PTPRM: variants seen among roughly 807,000 people sequenced by gnomAD.
PTPRM encodes receptor-type tyrosine-protein phosphatase mu.
A neutral mutation model predicts 186.7 loss-of-function variants in PTPRM; 47 were observed. That is an observed-to-expected ratio of 0.25 (90% CI 0.20 to 0.32). The LOEUF is 0.32. Among genes scored for constraint, PTPRM ranks in the 10% least tolerant of loss-of-function variants. The pLI, the probability that PTPRM is intolerant of heterozygous loss-of-function variation, is 1.00. For missense variants in PTPRM, 1,494 were observed against 1,865.0 expected (o/e 0.80, Z 3.66); for synonymous variants, 668 against 674.9 (o/e 0.99, Z 0.16).
At chr18:8,026,073 T>C (rs2085553814) in intron 7 of PTPRM, among the ~76,000 whole-genome samples, 1 of 152,218 alleles carries the variant, frequency 6.6e-6, no homozygotes. Context: ...TCCCACCTAC[T>C]CAAAACTCCT....
intron 22 of PTPRM, 53 bp from the exon 23 acceptor site, chr18:8,343,370 T>G: frequency 6.5e-7 from 1 of 1,536,234 alleles, no homozygotes; most frequent in Non-Finnish European, 9.0e-7. Flanking sequence ...CCGGAAATTT[T>G]CCAGTTGAAA....
intron 19 of PTPRM, among the ~76,000 whole-genome samples, chr18:8,261,755 C>T (rs773436287): frequency 6.6e-6 from 1 of 152,314 alleles, no homozygotes; most frequent in Admixed American, 6.5e-5. Context: ...ACTCTCCATG[C>T]TCCCGCTGAT....
intron 1 of PTPRM, among the ~76,000 whole-genome samples, chr18:7,660,511 AC>A (rs1407731610): frequency 6.6e-6 from 1 of 152,070 alleles, no homozygotes; most frequent in Non-Finnish European, 1.5e-5. Flanking sequence ...TGTTCCTGCT[AC>A]CCCTATGGAT....
At chr18:7,898,770 A>T (rs564000167) in intron 3 of PTPRM, among the ~76,000 whole-genome samples, 1 of 152,328 alleles carries the variant, frequency 6.6e-6, no homozygotes, top group South Asian at 2.1e-4. Context: ...TTATCAGCAA[A>T]ACAGTGAAAT....
intron 2 of PTPRM, among the ~76,000 whole-genome samples, chr18:7,803,985 A>T (rs1404529764): frequency 6.6e-6 from 1 of 152,214 alleles, no homozygotes; most frequent in Non-Finnish European, 1.5e-5. Context: ...CAAGATATTG[A>T]TCAATATTTG....
At chr18:8,029,575 C>G (rs1374566841) in intron 7 of PTPRM, among the ~76,000 whole-genome samples, 1 of 152,174 alleles carries the variant, frequency 6.6e-6, no homozygotes, top group Non-Finnish European at 1.5e-5. Flanking sequence ...TCCCACATCC[C>G]CACTAAGAAT....
chr18:8,214,227 A>C (rs1468887090), intron 14 of PTPRM, among the ~76,000 whole-genome samples: 1 of 152,198 alleles, frequency 6.6e-6, no homozygotes, highest in Non-Finnish European at 1.5e-5. Flanking sequence ...ACCAAAAACC[A>C]CTTGTTCCCC....
At chr18:8,219,864 T>C (rs1426986156) in intron 14 of PTPRM, among the ~76,000 whole-genome samples, 1 of 152,166 alleles carries the variant, frequency 6.6e-6, no homozygotes, top group Non-Finnish European at 1.5e-5. Flanking sequence ...ACCCTTGCCT[T>C]AGGTATTGTT....
chr18:8,285,183 TG>T (rs539910840), intron 19 of PTPRM, among the ~76,000 whole-genome samples: 20 of 152,248 alleles, frequency 1.3e-4, no homozygotes, highest in Non-Finnish European at 2.8e-4. Flanking sequence ...TTTTTTCCAC[TG>T]ACATTCACAG....
intron 1 of PTPRM, among the ~76,000 whole-genome samples, chr18:7,667,758 T>TG (rs2039129592): frequency 6.6e-6 from 1 of 152,190 alleles, no homozygotes; most frequent in Non-Finnish European, 1.5e-5. Flanking sequence ...ACTTTTTTTT[T>TG]TCCGCCATGG....
chr18:7,769,428 C>G (rs1358210747), intron 1 of PTPRM, among the ~76,000 whole-genome samples: 2 of 152,066 alleles, frequency 1.3e-5, no homozygotes, highest in Non-Finnish European at 2.9e-5. Flanking sequence ...AAATGTTAGT[C>G]TCTATTATCA....
chr18:8,171,993 C>T (rs1184422092), intron 14 of PTPRM, among the ~76,000 whole-genome samples: 1 of 152,124 alleles, frequency 6.6e-6, no homozygotes, highest in East Asian at 1.9e-4. Context: ...TATGGATACT[C>T]GAAGTACAGT....
chr18:7,765,161 C>A (rs2041960555), intron 1 of PTPRM, among the ~76,000 whole-genome samples: 1 of 152,122 alleles, frequency 6.6e-6, no homozygotes, highest in South Asian at 2.1e-4. Context: ...TTGTTTGTCG[C>A]AACTCAGCCT....
intron 4 of PTPRM, among the ~76,000 whole-genome samples, chr18:7,926,154 A>T (rs991946786): frequency 6.6e-6 from 1 of 152,352 alleles, no homozygotes; most frequent in Non-Finnish European, 1.5e-5. Flanking sequence ...TTCCTTGACA[A>T]CATCATTTAA....
intron 14 of PTPRM, among the ~76,000 whole-genome samples, chr18:8,193,267 C>G (rs1175454550): frequency 1.3e-5 from 2 of 152,156 alleles, no homozygotes; most frequent in Admixed American, 6.5e-5. Context: ...GTGTGTTATA[C>G]TGCTCCTTTG....
At chr18:7,781,655 T>C (rs1462550734) in intron 2 of PTPRM, among the ~76,000 whole-genome samples, 2 of 152,202 alleles carry the variant, frequency 1.3e-5, no homozygotes, top group Non-Finnish European at 2.9e-5. Flanking sequence ...CCCATGTTTG[T>C]GTCCATCTAA....
At chr18:8,032,492 C>A (rs553485879) in intron 7 of PTPRM, among the ~76,000 whole-genome samples, 1 of 152,148 alleles carries the variant, frequency 6.6e-6, no homozygotes, top group African/African-American at 2.4e-5. Context: ...AGAAATACTA[C>A]AATAAATGGA....
At chr18:8,081,693 A>G (rs1000963032) in intron 9 of PTPRM, among the ~76,000 whole-genome samples, 3 of 152,106 alleles carry the variant, frequency 2.0e-5, no homozygotes, top group Non-Finnish European at 2.9e-5. Context: ...CCTGCTGCCG[A>G]GAAGCTTTTC....
At chr18:8,214,864 T>C (rs1001938923) in intron 14 of PTPRM, among the ~76,000 whole-genome samples, 3 of 152,218 alleles carry the variant, frequency 2.0e-5, no homozygotes, top group African/African-American at 7.2e-5. Flanking sequence ...GGTTTCACCA[T>C]GTTGGCCAGG....
Sources: allele counts gnomAD v4.1 joint callset (sites outside exome capture counted in the v4.1 genomes callset), GRCh38; gene constraint gnomAD v4.1.1; transcripts MANE v1.5; gene names NCBI Gene and HGNC (gene_info 2026-07-23, HGNC 2026-07-21).